OPCML: variants seen among roughly 807,000 people sequenced by gnomAD.
OPCML encodes the protein opioid-binding protein/cell adhesion molecule.
In OPCML, 13 loss-of-function variants were observed where a neutral mutation model predicts 37.8. The ratio of observed to expected loss-of-function variants is 0.34; its 90% CI spans 0.22 to 0.55. OPCML has a LOEUF of 0.55. OPCML is among the 20% of genes least tolerant of loss of function. OPCML has a pLI of 0.91. For missense variants in OPCML, 341 were observed against 435.6 expected, an observed-to-expected ratio of 0.78 and a Z score of 1.93; for synonymous variants, 176 against 168.8, an observed-to-expected ratio of 1.04 and a Z score of -0.33.
chr11:133,297,420 G>C (rs985103134), intron 1 of OPCML: 1 of 152,158 alleles, frequency 6.6e-6, no homozygotes, highest in African/African-American at 2.4e-5. Flanking sequence ...TTTCTTTTCT[G>C]TTCTGGCATT....
chr11:133,063,040 A>G (rs1157097468), intron 1 of OPCML, among the ~76,000 whole-genome samples: 1 of 152,208 alleles, frequency 6.6e-6, no homozygotes, highest in Non-Finnish European at 1.5e-5. Context: ...CTTTGGGGTC[A>G]TGGAGTTTTC....
chr11:132,584,196 G>A (rs1375410868), intron 3 of OPCML, among the ~76,000 whole-genome samples: 1 of 152,078 alleles, frequency 6.6e-6, no homozygotes, highest in Non-Finnish European at 1.5e-5. Flanking sequence ...AAAATTAACA[G>A]ATATCAAGTA....
intron 3 of OPCML, among the ~76,000 whole-genome samples, chr11:132,654,796 TC>T (rs1422087655): frequency 6.6e-6 from 1 of 151,316 alleles, no homozygotes; most frequent in Non-Finnish European, 1.5e-5. Flanking sequence ...GAGAAGCTCT[TC>T]CCCAAGAGAA....
chr11:133,138,473 G>A (rs747225541), intron 1 of OPCML, among the ~76,000 whole-genome samples: 1 of 152,168 alleles, frequency 6.6e-6, no homozygotes, highest in Non-Finnish European at 1.5e-5. Flanking sequence ...CTCCTCTATG[G>A]TGGCTAGACA....
At chr11:132,771,993 G>C (rs1946655242) in intron 2 of OPCML, 1 of 152,188 alleles carries the variant, frequency 6.6e-6, no homozygotes, top group East Asian at 1.9e-4. Flanking sequence ...CTGTTCTCTG[G>C]ATTGGGGCCA....
intron 1 of OPCML, chr11:133,067,591 C>T (rs1166970179): frequency 6.6e-6 from 1 of 152,170 alleles, no homozygotes; most frequent in Non-Finnish European, 1.5e-5. Context: ...CTTATTTTAC[C>T]AAGGCATAAG....
At chr11:133,005,545 A>C in intron 1 of OPCML, 4 of 985,324 alleles carry the variant, frequency 4.1e-6, no homozygotes, top group Non-Finnish European at 4.8e-6. Flanking sequence ...TCCATAGCTA[A>C]GACATATTTT....
In OPCML at chr11:133,140,823, AGACGACGACGAAGAAGAC is replaced by A. The variant is rs1565468050; in HGVS notation, c.62-197831_62-197814del. Among the ~76,000 whole-genome samples the A allele has an allele frequency of 7.7e-3, 243 of 31,712 alleles. 34 individuals are homozygous for A. The highest frequency in any genetic ancestry group is 0.016 in the African/African-American group (232 of 14,786). 20.8% of individuals were successfully genotyped at this position (31,712 alleles called of 152,430 possible). A position where few individuals can be genotyped will look rare whatever the true frequency, so the allele number is the denominator to read the frequency against. On this transcript the variant is annotated intron_variant, in intron 1 of 7. Transcript: ENST00000524381. ...AAGAAGAAGACGACGACGAAGAAGA[AGACGACGACGAAGAAGAC>A]GACGACGACGACGAAGAAGACGACG... is the stretch of plus-strand genomic sequence containing the variant.
chr11:133,141,048 C>CGACGAAGACGAAGAAGAAGAA (rs1949809660), intron 1 of OPCML, among the ~76,000 whole-genome samples: 1 of 5,786 alleles, frequency 1.7e-4, no homozygotes, highest in African/African-American at 3.2e-4. Context: ...ACGACGACGA[C>CGACGAAGACGAAGAAGAAGAA]GAAGAAGAAG....
chr11:133,345,241 G>A (rs1943970763), intron 1 of OPCML, among the ~76,000 whole-genome samples: 1 of 152,170 alleles, frequency 6.6e-6, no homozygotes, highest in Non-Finnish European at 1.5e-5. Flanking sequence ...AGAGATCTAT[G>A]GGAAAGTATT....
chr11:133,255,788 C>T (rs1941292260), intron 1 of OPCML, among the ~76,000 whole-genome samples: 1 of 152,044 alleles, frequency 6.6e-6, no homozygotes, highest in African/African-American at 2.4e-5. Context: ...ACTTTTAAGG[C>T]TTAAAACCCC....
At chr11:132,976,835 C>A (rs1182909580) in intron 1 of OPCML, among the ~76,000 whole-genome samples, 1 of 152,014 alleles carries the variant, frequency 6.6e-6, no homozygotes, top group East Asian at 1.9e-4. Flanking sequence ...TATTTGGCTG[C>A]CAAATATGTG....
At chr11:133,406,406 G>T (rs2136854231) in intron 1 of OPCML, among the ~76,000 whole-genome samples, 1 of 152,266 alleles carries the variant, frequency 6.6e-6, no homozygotes, top group Non-Finnish European at 1.5e-5. Flanking sequence ...GACCAGAAAA[G>T]ATAGAGAAAA....
intron 1 of OPCML, among the ~76,000 whole-genome samples, chr11:133,259,367 G>A (rs1002071419): frequency 2.6e-5 from 4 of 152,212 alleles, no homozygotes; most frequent in African/African-American, 4.8e-5. Context: ...GCAAAGAAAG[G>A]TTTAGTATTT....
chr11:132,570,819 A>AGAGAGAGAGAGAGG (rs2096436587), intron 3 of OPCML, among the ~76,000 whole-genome samples: 1 of 128,234 alleles, frequency 7.8e-6, no homozygotes, highest in Non-Finnish European at 1.7e-5. Context: ...AGAGAGAGAG[A>AGAGAGAGAGAGAGG]GGATATATAC....
chr11:133,402,079 G>C (rs1945415899), intron 1 of OPCML, among the ~76,000 whole-genome samples: 1 of 152,100 alleles, frequency 6.6e-6, no homozygotes, highest in South Asian at 2.1e-4. Context: ...AGAATATCTG[G>C]GGCTGGGTAA....
chr11:132,492,335 G>C (rs1592259411), intron 4 of OPCML, among the ~76,000 whole-genome samples: 3 of 152,162 alleles, frequency 2.0e-5, no homozygotes, highest in Admixed American at 2.0e-4. Flanking sequence ...GATAGATGCT[G>C]CACTGATGTG....
At chr11:133,409,286 G>C (rs1182329635) in intron 1 of OPCML, among the ~76,000 whole-genome samples, 1 of 152,222 alleles carries the variant, frequency 6.6e-6, no homozygotes, top group Non-Finnish European at 1.5e-5. Flanking sequence ...CCAAAGTACT[G>C]TTCCCAATTC....
At chr11:133,428,161 T>G (rs1416535851) in intron 1 of OPCML, among the ~76,000 whole-genome samples, 1 of 152,190 alleles carries the variant, frequency 6.6e-6, no homozygotes, top group Non-Finnish European at 1.5e-5. Flanking sequence ...TTAATCAAAT[T>G]AATAGGTAAT....
Sources: gnomAD v4.1 joint callset for allele counts (sites outside exome capture counted in the v4.1 genomes callset) on GRCh38, gnomAD v4.1.1 for gene constraint, MANE v1.5 for transcripts, NCBI Gene and HGNC (gene_info 2026-07-23, HGNC 2026-07-21) for gene names.